Variants in ARMC2 observed in about 807,000 individuals in gnomAD.
ARMC2 encodes armadillo repeat-containing protein 2.
In ARMC2, 67 loss-of-function variants were observed where a neutral mutation model predicts 90.3. The observed-to-expected ratio is 0.74, with a 90% CI of 0.61 to 0.91. ARMC2 has a LOEUF of 0.91. Ranked by LOEUF, ARMC2 falls within the 40% of genes least tolerant of loss-of-function variation. The pLI is 0.00. For synonymous variants in ARMC2, 393 were observed against 393.0 expected (o/e 1.00, Z 0.00); for missense variants, 920 against 1,030.9 (o/e 0.89, Z 1.47).
intron 8 of ARMC2, among the ~76,000 whole-genome samples, chr6:108,909,885 C>T (rs920346533): frequency 6.6e-6 from 1 of 152,026 alleles, no homozygotes; most frequent in African/African-American, 2.4e-5. Flanking sequence ...TCAAAGCATT[C>T]CAGAAATAGA....
At chr6:109,011,741 A>G in the ARMC2 span, among the ~76,000 whole-genome samples, 1 of 149,998 alleles carries the variant, frequency 6.7e-6, no homozygotes, top group Non-Finnish European at 1.5e-5. Flanking sequence ...TGATCCTCCC[A>G]CCTCAGCCTC....
At chr6:109,029,293 C>T in the ARMC2 span, among the ~76,000 whole-genome samples, 35 of 152,114 alleles carry the variant, frequency 2.3e-4, no homozygotes, top group African/African-American at 8.0e-4. Flanking sequence ...ATAGAAATCA[C>T]GGGTTAAAAC....
chr6:108,948,146 G>A (rs1051412367), intron 12 of ARMC2, among the ~76,000 whole-genome samples: 4 of 152,046 alleles, frequency 2.6e-5, no homozygotes, highest in African/African-American at 4.8e-5. Flanking sequence ...GAGATGGCTC[G>A]GGCTGTGGAA....
the ARMC2 span, among the ~76,000 whole-genome samples, chr6:108,993,875 C>CA: frequency 3.3e-5 from 5 of 151,502 alleles, no homozygotes; most frequent in South Asian, 6.3e-4. Context: ...CTGCCGTGCC[C>CA]AAAAAAATCA....
At chr6:108,918,188 G>A (rs945992340) in intron 10 of ARMC2, among the ~76,000 whole-genome samples, 2 of 152,142 alleles carry the variant, frequency 1.3e-5, no homozygotes, top group Non-Finnish European at 2.9e-5. Context: ...GACAGATTCT[G>A]TGAAAATGGC....
At chr6:108,953,407 A>C in intron 13 of ARMC2, 56 bp downstream of exon 13, 7 of 1,495,934 alleles carry the variant, frequency 4.7e-6, no homozygotes, top group Non-Finnish European at 6.3e-6. Context: ...CCGCGGCCCA[A>C]AGACAGTTCT....
chr6:108,931,238 G>A (rs921215206), intron 11 of ARMC2, among the ~76,000 whole-genome samples: 4 of 151,854 alleles, frequency 2.6e-5, no homozygotes, highest in Non-Finnish European at 2.9e-5. Flanking sequence ...CCATGTTCAC[G>A]CATAAGACTT....
chr6:109,039,170 A>AGG, the ARMC2 span, among the ~76,000 whole-genome samples: 3 of 151,518 alleles, frequency 2.0e-5, no homozygotes, highest in South Asian at 2.1e-4. Flanking sequence ...GAGGAGAAGA[A>AGG]AGAAGAAGAA....
At chr6:108,952,319 G>A (rs1654768912) in intron 12 of ARMC2, among the ~76,000 whole-genome samples, 1 of 152,180 alleles carries the variant, frequency 6.6e-6, no homozygotes, top group Non-Finnish European at 1.5e-5. Context: ...GTGAAATATA[G>A]CCTATATACA....
intron 12 of ARMC2, among the ~76,000 whole-genome samples, chr6:108,941,894 C>CT: frequency 6.6e-6 from 1 of 152,158 alleles, no homozygotes; most frequent in East Asian, 1.9e-4. Context: ...TAAGTCATTA[C>CT]TTTGATTTTT....
intron 13 of ARMC2, among the ~76,000 whole-genome samples, chr6:108,957,488 G>A (rs892242760): frequency 3.9e-5 from 6 of 152,194 alleles, no homozygotes; most frequent in African/African-American, 7.2e-5. Context: ...GGGCCTGCCC[G>A]TGGTTTGGTT....
intron 4 of ARMC2, among the ~76,000 whole-genome samples, chr6:108,871,686 C>T (rs1776431717): frequency 6.6e-6 from 1 of 152,118 alleles, no homozygotes; most frequent in South Asian, 2.1e-4. Context: ...AATGCTTTGC[C>T]CACCATCCCC....
At chr6:108,981,590 G>A in the ARMC2 span, among the ~76,000 whole-genome samples, 1 of 151,570 alleles carries the variant, frequency 6.6e-6, no homozygotes, top group Non-Finnish European at 1.5e-5. Context: ...GTGTGTGACT[G>A]GTTTATTTCA....
chr6:109,024,771 G>C, the ARMC2 span, among the ~76,000 whole-genome samples: 1 of 152,164 alleles, frequency 6.6e-6, no homozygotes, highest in African/African-American at 2.4e-5. Context: ...GCTGAGAACT[G>C]TCACTTGCTG....
chr6:108,903,572 A>G (rs543052665), intron 7 of ARMC2, among the ~76,000 whole-genome samples: 12 of 152,348 alleles, frequency 7.9e-5, no homozygotes, highest in African/African-American at 2.9e-4. Context: ...GTTATGCTAT[A>G]TACAGTATTC....
chr6:108,926,002 G>A (rs936708482), intron 10 of ARMC2, among the ~76,000 whole-genome samples: 1 of 152,146 alleles, frequency 6.6e-6, no homozygotes, highest in Non-Finnish European at 1.5e-5. Flanking sequence ...TGAGAATAAG[G>A]CCTGAGAAGG....
intron 12 of ARMC2, among the ~76,000 whole-genome samples, chr6:108,944,924 G>T (rs1044582503): frequency 1.1e-4 from 17 of 152,164 alleles, no homozygotes; most frequent in African/African-American, 3.6e-4. Context: ...TATCTGTGTG[G>T]TTAATTTGTC....
chr6:109,038,820 C>T, the ARMC2 span, among the ~76,000 whole-genome samples: 17 of 149,876 alleles, frequency 1.1e-4, no homozygotes, highest in East Asian at 1.8e-3. Context: ...CAGATTCTGA[C>T]GGCAATTGGG....
At chr6:109,012,897 CA>C in the ARMC2 span, among the ~76,000 whole-genome samples, 1 of 151,918 alleles carries the variant, frequency 6.6e-6, no homozygotes, top group Non-Finnish European at 1.5e-5. Flanking sequence ...GGGCGGATCA[CA>C]AGGTCAGGAG....
Sources: gnomAD v4.1 joint callset for allele counts (sites outside exome capture counted in the v4.1 genomes callset) on GRCh38, gnomAD v4.1.1 for gene constraint, MANE v1.5 for transcripts, NCBI Gene and HGNC (gene_info 2026-07-23, HGNC 2026-07-21) for gene names.